The following CFTR variants were observed in gnomAD, a reference collection of about 807,000 sequenced individuals.
CFTR encodes the protein CF transmembrane conductance regulator, also known as cystic fibrosis transmembrane conductance regulator.
A neutral mutation model predicts 171.6 loss-of-function variants in CFTR; 181 were observed. The observed-to-expected ratio is 1.05, with a 90% CI of 0.93 to 1.19. The LOEUF (loss-of-function observed/expected upper bound fraction) is 1.19, where lower values mean the gene tolerates loss of function less well. Among genes scored for constraint, CFTR ranks in the 50% most tolerant of loss-of-function variants. The pLI, the probability that CFTR is intolerant of heterozygous loss-of-function variation, is 0.00. For synonymous variants in CFTR, 583 were observed against 608.0 expected (o/e 0.96, Z 0.60); for missense variants, 1,968 against 1,734.7 (o/e 1.13, Z -2.39).
Position 117,611,778 on chromosome 7 carries a change from G to T in CFTR, c.3337G>T (p.Ala1113Ser). The change falls in exon 20 of 27, where the codon GCT becomes TCT. Residue 1113 changes from alanine to serine, a missense_variant. Physicochemically the swap from Ala to Ser is moderately conservative, Grantham distance 99. Transcript: ENST00000003084. ...AATGATTTTTGTCATCTTCTTCATT[G>T]CTGTTACCTTCATTTCCATTTTAAC... ...IEMIFVIFFI[A>S]VTFISILTTG... is the part of the protein sequence containing the mutation. 1 of 1,612,470 alleles carries T rather than the reference G, an allele frequency of 6.2e-7. No homozygotes were observed. Among genetic ancestry groups the T allele is most frequent in the South Asian group, 1.1e-5 (1 of 91,052 alleles).
chr7:117,485,153 G>A (rs1798055076), intron 1 of CFTR, among the ~76,000 whole-genome samples: 1 of 152,138 alleles, frequency 6.6e-6, no homozygotes. Flanking sequence ...TATTGCTAGT[G>A]TCATTTCACA....
At chr7:117,628,907 T>C (rs1792695893) in intron 22 of CFTR, among the ~76,000 whole-genome samples, 1 of 152,084 alleles carries the variant, frequency 6.6e-6, no homozygotes, top group Admixed American at 6.6e-5. Flanking sequence ...GATATCATTA[T>C]TATAAACAAT....
chr7:117,501,769 AAAG>A, intron 1 of CFTR, among the ~76,000 whole-genome samples: 2 of 148,642 alleles, frequency 1.3e-5, no homozygotes, highest in African/African-American at 2.5e-5. Flanking sequence ...AAAAAAAAAA[AAAG>A]AAACAAAAAA....
chr7:117,595,671 C>T (rs183543443), intron 15 of CFTR, among the ~76,000 whole-genome samples: 1 of 151,842 alleles, frequency 6.6e-6, no homozygotes, highest in South Asian at 2.1e-4. Flanking sequence ...ATTGCTTGAG[C>T]CCAGGGGTCA....
At chr7:117,578,804 A>G (rs1418765572) in intron 11 of CFTR, among the ~76,000 whole-genome samples, 1 of 152,136 alleles carries the variant, frequency 6.6e-6, no homozygotes, top group Non-Finnish European at 1.5e-5. Context: ...TAAATTTAAC[A>G]CAACCAAATA....
In CFTR at chr7:117,603,609, C is replaced by T. The variant is rs121909034; in HGVS notation, c.2735C>T (p.Ser912Leu). 5.9e-4 allele frequency: 958 copies of T among 1,613,968 alleles called. 3 individuals carry two copies. The highest frequency in any genetic ancestry group is 6.1e-4 in the African/African-American group (46 of 75,034). Residue 912 changes from serine to leucine, a missense_variant, in exon 17 of 27, where the codon TCG (serine) becomes TTG (leucine). Transcript: ENST00000003084. ...GCAGTGATTATCACCAGCACCAGTT[C>T]GTATTATGTGTTTTACATTTACGTG... ...SYAVIITSTS[S>L]YYVFYIYVGV...
At chr7:117,548,333 GGTGTGTGTGT>G (rs3034794) in intron 9 of CFTR, among the ~76,000 whole-genome samples, 1 of 144,080 alleles carries the variant, frequency 6.9e-6, no homozygotes, top group Non-Finnish European at 1.5e-5. Flanking sequence ...AGGAGAAGAG[GGTGTGTGTGT>G]GTGTGTGTGT....
chr7:117,653,039 A>G, intron 24 of CFTR, 108 bp downstream of exon 24: 1 of 782,952 alleles, frequency 1.3e-6, no homozygotes. Flanking sequence ...ATGTGTGTGC[A>G]CAACTTTAAA....
intron 21 of CFTR, among the ~76,000 whole-genome samples, chr7:117,624,236 T>C (rs1792619549): frequency 6.6e-6 from 1 of 152,170 alleles, no homozygotes; most frequent in Non-Finnish European, 1.5e-5. Context: ...AATGCCATGA[T>C]ATTAGGAATT....
At chr7:117,660,625 G>A (rs1054560980) in intron 24 of CFTR, among the ~76,000 whole-genome samples, 3 of 151,660 alleles carry the variant, frequency 2.0e-5, no homozygotes, top group African/African-American at 7.3e-5. Flanking sequence ...GCAAGATTCT[G>A]TCTCAAAAAG....
At chr7:117,611,956 C>A (rs1792396531) in intron 20 of CFTR, 148 bp downstream of exon 20, 3 of 524,266 alleles carry the variant, frequency 5.7e-6, no homozygotes, top group South Asian at 4.9e-5. Context: ...CAAGTGATTT[C>A]TTTGAATTTC....
chr7:117,557,606 A>G (rs1799381299), intron 10 of CFTR, among the ~76,000 whole-genome samples: 1 of 152,112 alleles, frequency 6.6e-6, no homozygotes. Context: ...ACACTCTAGC[A>G]TTATAAAGAG....
chr7:117,601,370 T>C (rs1257997296), intron 15 of CFTR, among the ~76,000 whole-genome samples: 1 of 152,110 alleles, frequency 6.6e-6, no homozygotes, highest in Non-Finnish European at 1.5e-5. Context: ...CTGTGTACAA[T>C]GAAGAAAAGT....
intron 1 of CFTR, among the ~76,000 whole-genome samples, chr7:117,480,720 A>G (rs949901328): frequency 6.6e-6 from 1 of 152,190 alleles, no homozygotes; most frequent in Non-Finnish European, 1.5e-5. Context: ...TGAAATATTT[A>G]TTTTGAAAAA....
intron 10 of CFTR, among the ~76,000 whole-genome samples, chr7:117,552,257 G>A (rs1227266900): frequency 1.3e-5 from 2 of 152,038 alleles, no homozygotes; most frequent in Non-Finnish European, 2.9e-5. Flanking sequence ...GCCTCCCAAA[G>A]TGCTGGGTTT....
Position 117,559,594 on chromosome 7 carries a change from T to G in CFTR, c.1523T>G (p.Phe508Cys), listed in dbSNP as rs74571530. The change falls in exon 11 of 27, where the codon TTT (phenylalanine) becomes TGT (cysteine). Residue 508 changes from phenylalanine to cysteine, a missense_variant. Phe to Cys is a radical substitution (Grantham distance 205). Coordinates refer to ENST00000003084, the MANE Select transcript of CFTR (RefSeq NM_000492.4). ...GGCACCATTAAAGAAAATATCATCTTTGGTGTTTCCTATGATGAATATAGA... is the reference window on the plus strand; with the variant it reads ...GGCACCATTAAAGAAAATATCATCTGTGGTGTTTCCTATGATGAATATAGA... ...MPGTIKENII[F>C]GVSYDEYRYR... The G allele has an allele frequency of 1.3e-3, 2,102 of 1,609,472 alleles. 3 individuals carry two copies. The highest frequency in any genetic ancestry group is 1.7e-3 in the Non-Finnish European group (1,965 of 1,176,164).
Position 117,559,705 on chromosome 7 carries a change from C to CTACCCAAATTA in CFTR, c.1584+53_1584+63dup, listed in dbSNP as rs397508232. 851 of 1,251,778 alleles carry CTACCCAAATTA rather than the reference C, an allele frequency of 6.8e-4. 6 individuals are homozygous for CTACCCAAATTA. In the African/African-American group the frequency reaches 0.01, roughly 15 times the overall value. The allele number at this position is 1,251,778 out of a possible 1,614,324, so 77.5% of individuals were successfully genotyped here. ...TGATTATGCATATGAACCCTTCACA[C>CTACCCAAATTA]TACCCAAATTATATATTTGGCTCCA... On this transcript the variant is annotated intron_variant, in intron 11 of 26. Coordinates refer to ENST00000003084, the MANE Select transcript of CFTR (RefSeq NM_000492.4).
chr7:117,645,139 T>G (rs1373940912), intron 23 of CFTR, among the ~76,000 whole-genome samples: 1 of 152,134 alleles, frequency 6.6e-6, no homozygotes, highest in Non-Finnish European at 1.5e-5. Context: ...CTGGGAGATA[T>G]CAAATGCGAC....
chr7:117,603,714 T>C lies in CFTR; in HGVS notation c.2840T>C (p.Ile947Thr), dbSNP rs774142582. 2.5e-6 allele frequency: 4 copies of C among 1,613,926 alleles called. No individual in the cohort carries two copies. Among genetic ancestry groups the C allele is most frequent in the Non-Finnish European group, 3.4e-6 (4 of 1,179,952 alleles). ...CATACTCTAATCACAGTGTCGAAAA[T>C]TTTACACCACAAAATGTTACATTCT... is the stretch of plus-strand genomic sequence containing the variant. The part of the protein sequence containing the change: ...LVHTLITVSK[I>T]LHHKMLHSVL... Residue 947 changes from isoleucine (I) to threonine (T), a missense_variant, in exon 17 of 27, where the codon ATT becomes ACT. By Grantham distance (89) the Ile-to-Thr change is moderately conservative. Coordinates refer to ENST00000003084, the MANE Select transcript of CFTR (RefSeq NM_000492.4).
Sources: gnomAD v4.1 joint callset for allele counts (sites outside exome capture counted in the v4.1 genomes callset) on GRCh38, gnomAD v4.1.1 for gene constraint, MANE v1.5 for transcripts, NCBI Gene and HGNC (gene_info 2026-07-23, HGNC 2026-07-21) for gene names.